Variants in MAD1L1 observed in about 807,000 individuals in gnomAD.
MAD1L1 encodes the protein mitotic arrest deficient 1 like 1.
Under a neutral mutation model 96.9 loss-of-function variants are expected in MAD1L1, and 95 were observed. The observed-to-expected ratio is 0.98, with a 90% CI of 0.83 to 1.16. MAD1L1 has a LOEUF of 1.16. Among genes scored for constraint, MAD1L1 ranks in the 50% most tolerant of loss-of-function variants. The probability of loss-of-function intolerance (pLI) is 0.00; values close to 1 mark genes in which losing one functional copy is unlikely to be tolerated. For synonymous variants in MAD1L1, 473 were observed against 396.6 expected (o/e 1.19, Z -2.29); for missense variants, 1,007 against 954.4 (o/e 1.06, Z -0.73).
intron 15 of MAD1L1, among the ~76,000 whole-genome samples, chr7:1,974,936 T>C (rs1272916055): frequency 1.3e-5 from 2 of 152,022 alleles, no homozygotes; most frequent in African/African-American, 2.4e-5. Flanking sequence ...GGCAGGGCCC[T>C]GAGGACCCAA....
intron 18 of MAD1L1, chr7:1,854,460 T>TA (rs956359001): frequency 4.5e-6 from 2 of 439,732 alleles, no homozygotes; most frequent in African/African-American, 4.1e-5. Flanking sequence ...AAGGGCAGGG[T>TA]AAGGCACAGG....
intron 17 of MAD1L1, among the ~76,000 whole-genome samples, chr7:1,914,870 T>C (rs1441378772): frequency 6.6e-6 from 1 of 152,236 alleles, no homozygotes; most frequent in Non-Finnish European, 1.5e-5. Context: ...TACCTGGGCC[T>C]CCCAAAGCGT....
chr7:2,009,619 A>T (rs1408475866), intron 13 of MAD1L1, among the ~76,000 whole-genome samples: 3 of 152,178 alleles, frequency 2.0e-5, no homozygotes, highest in Non-Finnish European at 4.4e-5. Context: ...TGGAGGTCTG[A>T]GGATGACTGT....
intron 11 of MAD1L1, chr7:2,148,714 T>A (rs532832906): frequency 5.9e-6 from 1 of 168,442 alleles, no homozygotes; most frequent in Admixed American, 5.8e-5. Context: ...GTGAGGGGCA[T>A]GTCTCTTGGT....
At chr7:2,111,751 C>T (rs893383817) in intron 11 of MAD1L1, among the ~76,000 whole-genome samples, 10 of 152,210 alleles carry the variant, frequency 6.6e-5, no homozygotes, top group Admixed American at 2.0e-4. Context: ...AAAACCCTGG[C>T]GTGGCCCAGC....
At chr7:2,184,160 G>A (rs1791345747) in intron 10 of MAD1L1, among the ~76,000 whole-genome samples, 1 of 152,060 alleles carries the variant, frequency 6.6e-6, no homozygotes, top group East Asian at 1.9e-4. Context: ...GCTGAGGCAG[G>A]AGAATGGCAT....
At chr7:2,061,234 G>A (rs1281274972) in intron 12 of MAD1L1, among the ~76,000 whole-genome samples, 1 of 152,234 alleles carries the variant, frequency 6.6e-6, no homozygotes, top group African/African-American at 2.4e-5. Context: ...CTACTCATGA[G>A]GCTGAGGCAG....
At chr7:2,102,778 G>A (rs981749688) in intron 11 of MAD1L1, among the ~76,000 whole-genome samples, 4 of 150,570 alleles carry the variant, frequency 2.7e-5, no homozygotes, top group African/African-American at 9.8e-5. Context: ...CGCCACCCTC[G>A]CACCATCATG....
intron 12 of MAD1L1, among the ~76,000 whole-genome samples, chr7:2,053,435 AG>A (rs1369570573): frequency 1.3e-5 from 2 of 152,234 alleles, no homozygotes; most frequent in Admixed American, 6.5e-5. Context: ...GCTGTATGCA[AG>A]GAACTGTGCC....
intron 11 of MAD1L1, among the ~76,000 whole-genome samples, chr7:2,078,361 C>T (rs750000709): frequency 2.6e-5 from 4 of 152,220 alleles, no homozygotes; most frequent in Non-Finnish European, 4.4e-5. Context: ...CCAGGCCCCT[C>T]GCTGCGAATG....
intron 17 of MAD1L1, among the ~76,000 whole-genome samples, chr7:1,909,393 T>G (rs1423190848): frequency 1.3e-5 from 2 of 152,224 alleles, no homozygotes; most frequent in African/African-American, 2.4e-5. Context: ...CTATTTCAGT[T>G]TTACATTTTT....
intron 14 of MAD1L1, among the ~76,000 whole-genome samples, chr7:1,996,012 C>G (rs1358398254): frequency 6.6e-6 from 1 of 152,228 alleles, no homozygotes; most frequent in African/African-American, 2.4e-5. Context: ...GGGCTGGGCA[C>G]AGCCATGAGG....
At chr7:2,128,899 C>T (rs567102304) in intron 11 of MAD1L1, among the ~76,000 whole-genome samples, 125 of 152,310 alleles carry the variant, frequency 8.2e-4, no homozygotes, top group Non-Finnish European at 1.3e-3. Context: ...GCTTCCCACG[C>T]GGCAGTCAGG....
At chr7:2,043,745 G>A (rs763096525) in intron 12 of MAD1L1, among the ~76,000 whole-genome samples, 38 of 152,202 alleles carry the variant, frequency 2.5e-4, no homozygotes, top group Non-Finnish European at 4.9e-4. Context: ...ACCACCCCAG[G>A]CCTCCTGCCA....
chr7:2,097,815 T>G (rs2128549071), intron 11 of MAD1L1, among the ~76,000 whole-genome samples: 1 of 152,284 alleles, frequency 6.6e-6, no homozygotes, highest in African/African-American at 2.4e-5. Context: ...CTGGGACCCC[T>G]GGGAGCAGCG....
At chr7:2,072,009 G>A (rs1785155485) in intron 11 of MAD1L1, among the ~76,000 whole-genome samples, 2 of 152,180 alleles carry the variant, frequency 1.3e-5, no homozygotes, top group African/African-American at 4.8e-5. Flanking sequence ...GTGAACATAC[G>A]TTTCCTTGAG....
chr7:1,948,060 G>A (rs994696107), intron 16 of MAD1L1, among the ~76,000 whole-genome samples: 6 of 152,182 alleles, frequency 3.9e-5, no homozygotes, highest in East Asian at 1.9e-4. Context: ...ACAGAACCCC[G>A]AGAGCTCCCT....
chr7:1,819,076 C>G (rs1781986531), intron 18 of MAD1L1, among the ~76,000 whole-genome samples: 1 of 152,136 alleles, frequency 6.6e-6, no homozygotes, highest in African/African-American at 2.4e-5. Flanking sequence ...GCAGGACCTG[C>G]TGAATGAGTG....
At chr7:2,180,462 C>T (rs1791150562) in intron 10 of MAD1L1, among the ~76,000 whole-genome samples, 1 of 152,138 alleles carries the variant, frequency 6.6e-6, no homozygotes, top group Non-Finnish European at 1.5e-5. Context: ...GCATTAGAGG[C>T]AAACAAAAAA....
Sources: gnomAD v4.1 joint callset for allele counts (sites outside exome capture counted in the v4.1 genomes callset) on GRCh38, gnomAD v4.1.1 for gene constraint, MANE v1.5 for transcripts, NCBI Gene and HGNC (gene_info 2026-07-23, HGNC 2026-07-21) for gene names.